The following UNC79 variants were observed in gnomAD, a reference collection of about 807,000 sequenced individuals.
The protein encoded by UNC79 is unc-79 subunit of NALCN channel complex, also known as protein unc-79 homolog.
UNC79 carries 37 observed loss-of-function variants against 283.1 expected under a neutral mutation model. That is an observed-to-expected ratio of 0.13 (90% CI 0.10 to 0.17). UNC79 has a LOEUF of 0.17. Among genes scored for constraint, UNC79 ranks in the 10% least tolerant of loss-of-function variants. The pLI, the probability that UNC79 is intolerant of heterozygous loss-of-function variation, is 1.00. For synonymous variants in UNC79, 1,107 were observed against 1,200.2 expected (o/e 0.92, Z 1.61); for missense variants, 2,272 against 3,211.1 (o/e 0.71, Z 7.07).
chr14:93,471,809 C>G (rs1300035434), intron 2 of UNC79, among the ~76,000 whole-genome samples: 1 of 151,886 alleles, frequency 6.6e-6, no homozygotes, highest in Non-Finnish European at 1.5e-5. Context: ...TTACTGTTTT[C>G]ATGCTGACAT....
At chr14:93,696,527 G>T (rs1476437890) in intron 47 of UNC79, among the ~76,000 whole-genome samples, 1 of 152,116 alleles carries the variant, frequency 6.6e-6, no homozygotes, top group Non-Finnish European at 1.5e-5. Context: ...TTGTGTACTG[G>T]TATCTTGTTG....
chr14:93,608,307 A>G (rs562927974), intron 26 of UNC79, among the ~76,000 whole-genome samples: 7 of 152,370 alleles, frequency 4.6e-5, no homozygotes, highest in African/African-American at 1.7e-4. Flanking sequence ...AGTGAAAGTG[A>G]CAGTACGTAG....
chr14:93,524,554 C>T (rs899543513), intron 8 of UNC79, among the ~76,000 whole-genome samples: 1 of 152,116 alleles, frequency 6.6e-6, no homozygotes, highest in Admixed American at 6.5e-5. Flanking sequence ...CAGTGGTTTA[C>T]AGAGTCAAGT....
chr14:93,615,476 C>A (rs2066631950), intron 27 of UNC79, among the ~76,000 whole-genome samples: 1 of 151,930 alleles, frequency 6.6e-6, no homozygotes, highest in African/African-American at 2.4e-5. Flanking sequence ...GTAATCCCAG[C>A]ACTTTGGTAG....
intron 1 of UNC79, among the ~76,000 whole-genome samples, chr14:93,367,201 A>G (rs147626710): frequency 6.5e-4 from 99 of 152,390 alleles, no homozygotes; most frequent in African/African-American, 2.3e-3. Flanking sequence ...ATAATAAAAT[A>G]GTAAAAAAAG....
intron 1 of UNC79, among the ~76,000 whole-genome samples, chr14:93,462,176 G>A (rs950576271): frequency 2.0e-5 from 3 of 152,040 alleles, no homozygotes; most frequent in South Asian, 2.1e-4. Context: ...TGTGGTGACC[G>A]GCACCTGTAA....
At chr14:93,670,956 G>A (rs2072786904) in intron 40 of UNC79, among the ~76,000 whole-genome samples, 1 of 152,156 alleles carries the variant, frequency 6.6e-6, no homozygotes, top group Non-Finnish European at 1.5e-5. Flanking sequence ...CCATTTAACT[G>A]TATGCTTATA....
intron 1 of UNC79, among the ~76,000 whole-genome samples, chr14:93,361,043 G>A (rs1227834482): frequency 6.6e-6 from 1 of 151,470 alleles, no homozygotes; most frequent in Non-Finnish European, 1.5e-5. Context: ...GTGAAACCCC[G>A]TCTCTACTAA....
intron 25 of UNC79, among the ~76,000 whole-genome samples, chr14:93,602,107 T>C (rs562527284): frequency 2.6e-5 from 4 of 152,346 alleles, no homozygotes; most frequent in Non-Finnish European, 4.4e-5. Flanking sequence ...TTTAGTTTAA[T>C]TAGGCTCCAT....
intron 1 of UNC79, among the ~76,000 whole-genome samples, chr14:93,462,204 G>T (rs575527599): frequency 5.4e-4 from 82 of 152,328 alleles, no homozygotes; most frequent in African/African-American, 1.9e-3. Context: ...TACTGGCAGG[G>T]CTCAGGCAGG....
intron 1 of UNC79, among the ~76,000 whole-genome samples, chr14:93,366,718 G>A (rs775843942): frequency 4.9e-4 from 74 of 151,770 alleles, no homozygotes; most frequent in Non-Finnish European, 3.8e-4. Flanking sequence ...GATCATAGGC[G>A]CGCAACACCA....
intron 14 of UNC79, among the ~76,000 whole-genome samples, chr14:93,560,591 G>A (rs1311845110): frequency 6.6e-6 from 1 of 152,102 alleles, no homozygotes; most frequent in East Asian, 1.9e-4. Flanking sequence ...GATATTAGTG[G>A]AATAACTCTT....
chr14:93,577,206 A>G (rs1351389391), intron 17 of UNC79, among the ~76,000 whole-genome samples: 5 of 150,354 alleles, frequency 3.3e-5, no homozygotes, highest in Admixed American at 6.6e-5. Context: ...CCAAAACAAA[A>G]CAACAACAAA....
intron 19 of UNC79, 118 bp from the exon 20 acceptor site, chr14:93,582,085 T>C: frequency 1.3e-6 from 2 of 1,521,932 alleles, no homozygotes; most frequent in Non-Finnish European, 1.8e-6. Context: ...GCCTCTGGCC[T>C]CAGCAGCATG....
At chr14:93,637,364 G>A in intron 32 of UNC79, 65 bp downstream of exon 35, 1 of 1,595,232 alleles carries the variant, frequency 6.3e-7, no homozygotes, top group Non-Finnish European at 8.5e-7. Context: ...CCATCATTTG[G>A]TCACCCAGCA....
chr14:93,562,398 C>G (rs1185273233), intron 14 of UNC79, among the ~76,000 whole-genome samples: 1 of 152,180 alleles, frequency 6.6e-6, no homozygotes, highest in Non-Finnish European at 1.5e-5. Flanking sequence ...GGACTGCTGT[C>G]TGGGACGAGG....
chr14:93,519,012 T>C (rs1431385612), intron 7 of UNC79, among the ~76,000 whole-genome samples: 1 of 151,886 alleles, frequency 6.6e-6, no homozygotes, highest in Non-Finnish European at 1.5e-5. Context: ...AGTGGTTGAG[T>C]GGAGATTTCT....
chr14:93,460,716 G>A (rs1224247752), intron 1 of UNC79, among the ~76,000 whole-genome samples: 3 of 151,752 alleles, frequency 2.0e-5, no homozygotes, highest in African/African-American at 7.3e-5. Context: ...TTTATTCTAA[G>A]GAAATAATTA....
intron 1 of UNC79, among the ~76,000 whole-genome samples, chr14:93,386,290 C>G (rs964494673): frequency 9.2e-5 from 14 of 152,098 alleles, no homozygotes; most frequent in Admixed American, 2.0e-4. Context: ...TTTGCATATG[C>G]TGAACCATGG....
Sources: gnomAD v4.1 joint callset for allele counts (sites outside exome capture counted in the v4.1 genomes callset) on GRCh38, gnomAD v4.1.1 for gene constraint, MANE v1.5 for transcripts, NCBI Gene and HGNC (gene_info 2026-07-23, HGNC 2026-07-21) for gene names.